The following LYRM4 variants were observed in gnomAD, a reference collection of about 807,000 sequenced individuals.
LYRM4 encodes LYR motif containing 4.
A neutral mutation model predicts 11.7 loss-of-function variants in LYRM4; 9 were observed. The observed-to-expected ratio is 0.77, with a 90% CI of 0.46 to 1.34. LYRM4 has a LOEUF of 1.34. Among genes scored for constraint, LYRM4 ranks in the 40% most tolerant of loss-of-function variants. The probability of loss-of-function intolerance (pLI) is 0.00; values close to 1 mark genes in which losing one functional copy is unlikely to be tolerated. For synonymous variants in LYRM4, 42 were observed against 40.4 expected (o/e 1.04, Z -0.15); for missense variants, 133 against 112.5 (o/e 1.18, Z -0.82).
At chr6:5,220,698 T>A (rs1006108296) in intron 1 of LYRM4, among the ~76,000 whole-genome samples, 2 of 152,240 alleles carry the variant, frequency 1.3e-5, no homozygotes, top group African/African-American at 4.8e-5. Context: ...TTATGCATCT[T>A]TGAGGTCATG....
intron 1 of LYRM4, among the ~76,000 whole-genome samples, chr6:5,233,258 A>G (rs1294264590): frequency 2.0e-5 from 3 of 152,250 alleles, no homozygotes; most frequent in Non-Finnish European, 2.9e-5. Flanking sequence ...GCGCTTCTGC[A>G]AGCCGAAAGC....
chr6:5,144,135 C>T (rs1210887209), intron 2 of LYRM4: 11 of 1,536,250 alleles, frequency 7.2e-6, no homozygotes, highest in Middle Eastern at 1.7e-4. Flanking sequence ...TCAGAATGCT[C>T]ACCAGCTCTG....
intron 2 of LYRM4, among the ~76,000 whole-genome samples, chr6:5,199,644 T>C (rs1380617580): frequency 2.0e-5 from 3 of 152,192 alleles, no homozygotes; most frequent in African/African-American, 7.2e-5. Context: ...GGCTGAACCT[T>C]GAATGGCCCT....
chr6:5,104,864 T>A (rs943687780), downstream of LYRM4: 3 of 152,302 alleles, frequency 2.0e-5, no homozygotes, highest in Non-Finnish European at 2.9e-5. Flanking sequence ...CAAGTTCTGC[T>A]GACTCGACTT....
chr6:5,081,527 C>T, the LYRM4 span, among the ~76,000 whole-genome samples: 1 of 152,140 alleles, frequency 6.6e-6, no homozygotes, highest in East Asian at 1.9e-4. Context: ...CTGTTGCAGG[C>T]TCATCCTCCT....
At chr6:5,207,321 T>C (rs1435691985) in intron 2 of LYRM4, among the ~76,000 whole-genome samples, 1 of 150,804 alleles carries the variant, frequency 6.6e-6, no homozygotes, top group Non-Finnish European at 1.5e-5. Flanking sequence ...AGGAAATGAG[T>C]GCACACCCTC....
chr6:5,172,238 G>A (rs1041691540), intron 2 of LYRM4, among the ~76,000 whole-genome samples: 9 of 152,160 alleles, frequency 5.9e-5, no homozygotes, highest in African/African-American at 1.7e-4. Context: ...GCTGCACACC[G>A]TGTGTTCCAA....
chr6:5,046,560 G>A, the LYRM4 span, among the ~76,000 whole-genome samples: 10,336 of 152,240 alleles, frequency 0.068, 1,140 homozygotes, highest in African/African-American at 0.23. Flanking sequence ...TACATCTGGT[G>A]CTTCAGCTGG....
At chr6:5,085,567 C>T in the LYRM4 span, 3 of 1,543,112 alleles carry the variant, frequency 1.9e-6, no homozygotes, top group South Asian at 3.6e-5. Flanking sequence ...CGAGGAGCTG[C>T]CCGCCCCGGT....
At chr6:5,123,696 C>CGACCAGATTCCATTCTGAGGG (rs920952231) in intron 2 of LYRM4, among the ~76,000 whole-genome samples, 1 of 152,202 alleles carries the variant, frequency 6.6e-6, no homozygotes, top group African/African-American at 2.4e-5. Flanking sequence ...TGCTCTAGCG[C>CGACCAGATTCCATTCTGAGGG]GACCAGATTC....
At position 5,257,331 on chromosome 6, in the gene LYRM4, CT is replaced by C. The variant is rs558783204; in HGVS notation, c.86+3316del. On this transcript the variant is annotated intron_variant, in intron 1 of 2. Coordinates refer to ENST00000330636, the MANE Select transcript of LYRM4 (RefSeq NM_020408.6). Reference sequence around the variant, plus strand: ...CTGACCACACCAAGCTGCTTCATGCCTTTGATCCAACATCACCCCTTGGGAG... The same window carrying C: ...CTGACCACACCAAGCTGCTTCATGCCTTGATCCAACATCACCCCTTGGGAG... Among the ~76,000 whole-genome samples, 194 of 152,300 alleles carry C rather than the reference CT, an allele frequency of 1.3e-3. 1 individual carries two copies. Among genetic ancestry groups the C allele is most frequent in the African/African-American group, 4.4e-3 (181 of 41,568 alleles).
chr6:5,194,706 A>G (rs1326713801), intron 2 of LYRM4, among the ~76,000 whole-genome samples: 2 of 152,210 alleles, frequency 1.3e-5, no homozygotes, highest in Admixed American at 1.3e-4. Context: ...GAAAATTAGG[A>G]AAATATAGAA....
the LYRM4 span, among the ~76,000 whole-genome samples, chr6:5,096,682 G>A: frequency 6.6e-6 from 1 of 152,200 alleles, no homozygotes; most frequent in East Asian, 1.9e-4. Flanking sequence ...AATAGTGTGA[G>A]TGAGTTTTCA....
chr6:5,245,025 A>G (rs1764075822), intron 1 of LYRM4, among the ~76,000 whole-genome samples: 1 of 144,570 alleles, frequency 6.9e-6, no homozygotes, highest in African/African-American at 2.5e-5. Context: ...TTTGCCTACA[A>G]CACATATGTG....
rs545389214 is a variant in LYRM4, at chr6:5,128,452, G to C, written c.208-18961C>G. On this transcript the variant is annotated intron_variant, in intron 2 of 2. Coordinates refer to ENST00000330636, the MANE Select transcript of LYRM4 (RefSeq NM_020408.6). ...AAATGGAACTACTGGGCTTCATAGT[G>C]GTGGAGTACATCTCTTTGAAGAAAG... 3.3e-5 allele frequency among the ~76,000 whole-genome samples: 5 copies of C among 152,268 alleles called. No homozygotes were observed. In the East Asian group the frequency reaches 9.7e-4, roughly 29 times the overall value.
chr6:5,087,999 G>C, the LYRM4 span: 1 of 152,150 alleles, frequency 6.6e-6, no homozygotes, highest in Admixed American at 6.5e-5. Flanking sequence ...CTGGGCATAC[G>C]TACATTTGGC....
chr6:5,218,317 G>A lies in LYRM4; in HGVS notation c.87-1579C>T, dbSNP rs549795816. 9 of 985,118 alleles carry A rather than the reference G, an allele frequency of 9.1e-6. No homozygotes were observed. The African/African-American group carries it at 1.6e-4, about 17-fold the overall frequency. 61.0% of individuals were successfully genotyped at this position (985,118 alleles called of 1,614,324 possible). A position where few individuals can be genotyped will look rare whatever the true frequency, so the allele number is the denominator to read the frequency against. ...TTAGCAACAGAAGAATGGAAATACA[G>A]GCAAAGAAATGAGAGGAGGGGATAT... is the stretch of plus-strand genomic sequence containing the variant. On this transcript the variant is annotated intron_variant, in intron 1 of 2. Coordinates refer to ENST00000330636, the MANE Select transcript of LYRM4 (RefSeq NM_020408.6).
At chr6:5,250,402 T>C (rs1345137704) in intron 1 of LYRM4, among the ~76,000 whole-genome samples, 1 of 152,176 alleles carries the variant, frequency 6.6e-6, no homozygotes, top group African/African-American at 2.4e-5. Context: ...CCCAAAACCT[T>C]GGCTGCTATA....
chr6:5,130,205 G>A (rs1194193489), intron 2 of LYRM4, among the ~76,000 whole-genome samples: 1 of 152,196 alleles, frequency 6.6e-6, no homozygotes, highest in African/African-American at 2.4e-5. Context: ...GCTGCAGGGG[G>A]AGTTCATGAG....
Sources: gnomAD v4.1 joint callset for allele counts (sites outside exome capture counted in the v4.1 genomes callset) on GRCh38, gnomAD v4.1.1 for gene constraint, MANE v1.5 for transcripts, NCBI Gene and HGNC (gene_info 2026-07-23, HGNC 2026-07-21) for gene names.